The following NDUFAF6 variants were observed in gnomAD, a reference collection of about 807,000 sequenced individuals.
The protein encoded by NDUFAF6 is NADH:ubiquinone oxidoreductase complex assembly factor 6.
In NDUFAF6, 45 loss-of-function variants were observed where a neutral mutation model predicts 40.8. That is an observed-to-expected ratio of 1.10 (90% confidence interval 0.87 to 1.42). NDUFAF6 has a LOEUF of 1.42. Ranked by LOEUF, NDUFAF6 falls within the 40% of genes most tolerant of loss-of-function variation. NDUFAF6 has a pLI of 0.00. For synonymous variants in NDUFAF6, 185 were observed against 155.9 expected, an observed-to-expected ratio of 1.19 and a Z score of -1.39; for missense variants, 435 against 418.5, an observed-to-expected ratio of 1.04 and a Z score of -0.34.
At chr8:95,012,588 T>C (rs1047316055) in intron 2 of NDUFAF6, among the ~76,000 whole-genome samples, 7 of 152,044 alleles carry the variant, frequency 4.6e-5, no homozygotes, top group African/African-American at 1.7e-4. Context: ...GGCAGGTGGC[T>C]CTCTTGAGGA....
At chr8:95,025,247 T>C in intron 1 of NDUFAF6, 42 bp downstream of exon 1, 3 of 1,354,954 alleles carry the variant, frequency 2.2e-6, no homozygotes, top group Non-Finnish European at 1.9e-6. Flanking sequence ...GGAAGCGGGG[T>C]CCCGGGGTGG....
At chr8:94,923,666 A>G (rs1819651984) in intron 1 of NDUFAF6, among the ~76,000 whole-genome samples, 1 of 150,234 alleles carries the variant, frequency 6.7e-6, no homozygotes, top group African/African-American at 2.4e-5. Context: ...CTTACAATAG[A>G]TACTCTGAAT....
chr8:94,916,902 C>T (rs1819169829), intron 1 of NDUFAF6, among the ~76,000 whole-genome samples: 1 of 150,374 alleles, frequency 6.7e-6, no homozygotes, highest in Non-Finnish European at 1.5e-5. Context: ...ATCACGAGGT[C>T]AGGAGATCAA....
chr8:94,988,497 C>T (rs1360002574), intron 2 of NDUFAF6: 1 of 152,116 alleles, frequency 6.6e-6, no homozygotes, highest in East Asian at 1.9e-4. Context: ...AATTCATTTT[C>T]TCTCTTGAAA....
intron 2 of NDUFAF6, among the ~76,000 whole-genome samples, chr8:94,984,382 A>G (rs1176859593): frequency 6.6e-6 from 1 of 152,258 alleles, no homozygotes; most frequent in Non-Finnish European, 1.5e-5. Flanking sequence ...GATTTGGGCA[A>G]GAGCCATATA....
intron 1 of NDUFAF6, among the ~76,000 whole-genome samples, chr8:95,029,703 G>A (rs1828608579): frequency 6.6e-6 from 1 of 152,176 alleles, no homozygotes; most frequent in Admixed American, 6.5e-5. Flanking sequence ...GAATAGGCCA[G>A]TTACTTTGTA....
intron 4 of NDUFAF6, among the ~76,000 whole-genome samples, chr8:95,114,309 A>ACTGAACC (rs1810081596): frequency 6.6e-6 from 1 of 152,118 alleles, no homozygotes; most frequent in Admixed American, 6.5e-5. Context: ...AAGTTTAACC[A>ACTGAACC]CTGAACCCCA....
chr8:94,928,729 A>T (rs978964899), intron 1 of NDUFAF6: 2 of 152,204 alleles, frequency 1.3e-5, no homozygotes, highest in African/African-American at 4.8e-5. Flanking sequence ...TTCCACTCCA[A>T]ACGCTCTAAT....
At chr8:94,963,114 GA>G (rs1167563684) in intron 1 of NDUFAF6, among the ~76,000 whole-genome samples, 1 of 150,984 alleles carries the variant, frequency 6.6e-6, no homozygotes, top group Non-Finnish European at 1.5e-5. Context: ...TTTCGTGTGA[GA>G]AAAAAAAATC....
chr8:94,988,199 C>T (rs1826026842), intron 2 of NDUFAF6, among the ~76,000 whole-genome samples: 1 of 152,232 alleles, frequency 6.6e-6, no homozygotes, highest in Non-Finnish European at 1.5e-5. Context: ...AGCTATCCAG[C>T]ATTCAGTGCT....
downstream of NDUFAF6, among the ~76,000 whole-genome samples, chr8:95,116,729 T>C (rs1356202061): frequency 2.0e-5 from 3 of 152,222 alleles, no homozygotes; most frequent in African/African-American, 7.2e-5. Flanking sequence ...AGTGACTCTG[T>C]GTGACTGGAT....
chr8:94,962,793 T>TA (rs1205657221), intron 1 of NDUFAF6, among the ~76,000 whole-genome samples: 1 of 147,756 alleles, frequency 6.8e-6, no homozygotes, highest in East Asian at 2.0e-4. Flanking sequence ...CTTTTTTTCT[T>TA]TTTTTTTTTT....
At chr8:94,963,438 CT>C (rs1823763711) in intron 1 of NDUFAF6, among the ~76,000 whole-genome samples, 1 of 152,108 alleles carries the variant, frequency 6.6e-6, no homozygotes, top group Admixed American at 6.5e-5. Flanking sequence ...AAAAGGAACC[CT>C]ACCTAAGGAG....
intron 1 of NDUFAF6, among the ~76,000 whole-genome samples, chr8:94,964,184 T>C (rs1823822896): frequency 6.6e-6 from 1 of 151,990 alleles, no homozygotes; most frequent in Non-Finnish European, 1.5e-5. Context: ...TCGCAGCACT[T>C]TGGGAGGCTG....
At chr8:94,980,714 G>GC in intron 1 of NDUFAF6, 1 of 98,838 alleles carries the variant, frequency 1.0e-5, no homozygotes, top group Non-Finnish European at 1.9e-5. Context: ...GCCTCCCGAA[G>GC]TTTGGGTTTG....
chr8:94,936,766 T>C (rs990778531), intron 1 of NDUFAF6, among the ~76,000 whole-genome samples: 2 of 152,182 alleles, frequency 1.3e-5, no homozygotes, highest in Non-Finnish European at 2.9e-5. Context: ...TGACTGGGAC[T>C]GGAAGCAGAT....
intron 1 of NDUFAF6, among the ~76,000 whole-genome samples, chr8:94,903,378 A>G (rs1586594587): frequency 6.6e-6 from 1 of 152,180 alleles, no homozygotes; most frequent in African/African-American, 2.4e-5. Context: ...AAAGAAAACA[A>G]CAACAACAAA....
intron 1 of NDUFAF6, among the ~76,000 whole-genome samples, chr8:94,930,980 A>C (rs1334943220): frequency 6.6e-6 from 1 of 152,232 alleles, no homozygotes; most frequent in Non-Finnish European, 1.5e-5. Context: ...TGTTTTCTAA[A>C]AATACACTTT....
intron 4 of NDUFAF6, among the ~76,000 whole-genome samples, chr8:95,113,539 C>A (rs11990635): frequency 1.3e-5 from 2 of 152,170 alleles, no homozygotes; most frequent in Non-Finnish European, 2.9e-5. Flanking sequence ...GAGAACTTGG[C>A]GGGATTTCTT....
Sources: allele counts gnomAD v4.1 joint callset (sites outside exome capture counted in the v4.1 genomes callset), GRCh38; gene constraint gnomAD v4.1.1; transcripts MANE v1.5; gene names NCBI Gene and HGNC (gene_info 2026-07-23, HGNC 2026-07-21).